SEPTIN14: variants seen among roughly 807,000 people sequenced by gnomAD.
The protein encoded by SEPTIN14 is septin 14.
Under a neutral mutation model 53.6 loss-of-function variants are expected in SEPTIN14, and 40 were observed. That is an observed-to-expected ratio of 0.75 (90% CI 0.58 to 0.97). The LOEUF (loss-of-function observed/expected upper bound fraction) is 0.97, where lower values mean the gene tolerates loss of function less well. Among genes scored for constraint, SEPTIN14 ranks in the 50% least tolerant of loss-of-function variants. The pLI is 0.00. For missense variants in SEPTIN14, 471 were observed against 508.2 expected, an observed-to-expected ratio of 0.93 and a Z score of 0.70; for synonymous variants, 138 against 166.8, an observed-to-expected ratio of 0.83 and a Z score of 1.33.
intron 2 of SEPTIN14, among the ~76,000 whole-genome samples, chr7:55,857,349 G>A (rs896846071): frequency 6.8e-6 from 1 of 146,202 alleles, no homozygotes; most frequent in Non-Finnish European, 1.5e-5. Context: ...TCCAGCCTGG[G>A]CAACAAGAGG....
At position 55,846,896 on chromosome 7, in the gene SEPTIN14, A is replaced by G. The variant is rs190196418; in HGVS notation, c.55-259T>C. Among the ~76,000 whole-genome samples, 187 of 152,244 alleles carry G rather than the reference A, an allele frequency of 1.2e-3. 1 individual carries two copies. Among genetic ancestry groups the G allele is most frequent in the African/African-American group, 4.4e-3 (182 of 41,564 alleles). On this transcript the variant is annotated intron_variant, in intron 2 of 9. Transcript: ENST00000388975. ...AAGAGGCTCTGTTTCTAAATTTTAA[A>G]AGAGACAGGGGACAGGCACGGTGGC... is the stretch of plus-strand genomic sequence containing the variant.
intron 6 of SEPTIN14, among the ~76,000 whole-genome samples, chr7:55,825,790 G>A (rs1267421975): frequency 6.6e-6 from 1 of 151,138 alleles, no homozygotes. Context: ...ACCGTAGTGA[G>A]ACCCCCACCT....
intron 6 of SEPTIN14, among the ~76,000 whole-genome samples, chr7:55,820,226 C>T (rs1246978067): frequency 6.6e-6 from 1 of 152,192 alleles, no homozygotes; most frequent in Admixed American, 6.5e-5. Context: ...GTCTTGAACT[C>T]CTGACCTCAG....
intron 5 of SEPTIN14, among the ~76,000 whole-genome samples, chr7:55,836,657 G>A (rs1789214169): frequency 6.6e-6 from 1 of 152,142 alleles, no homozygotes; most frequent in Non-Finnish European, 1.5e-5. Context: ...AGAATCGCTT[G>A]AACCCAGGAG....
intron 6 of SEPTIN14, among the ~76,000 whole-genome samples, chr7:55,830,321 G>GTATATATATATATATATATATATA (rs746498199): frequency 2.4e-5 from 2 of 84,720 alleles, no homozygotes; most frequent in African/African-American, 1.1e-4. Flanking sequence ...TTATCCAACT[G>GTATATATATATATATATATATATA]TATATATATA....
At chr7:55,830,147 CAGCCTGGGCGACAGAGCGA>C (rs1789073864) in intron 6 of SEPTIN14, among the ~76,000 whole-genome samples, 1 of 146,452 alleles carries the variant, frequency 6.8e-6, no homozygotes, top group Admixed American at 6.8e-5. Context: ...CGCTGCACTC[CAGCCTGGGCGACAGAGCGA>C]GACTCTGTCT....
At chr7:55,808,529 T>C (rs1788644480) in intron 7 of SEPTIN14, among the ~76,000 whole-genome samples, 1 of 152,176 alleles carries the variant, frequency 6.6e-6, no homozygotes, top group Non-Finnish European at 1.5e-5. Flanking sequence ...AGTTCAGCCA[T>C]TGTGAAAAGT....
At chr7:55,826,034 G>A (rs868650001) in intron 6 of SEPTIN14, among the ~76,000 whole-genome samples, 7 of 151,654 alleles carry the variant, frequency 4.6e-5, no homozygotes, top group Non-Finnish European at 8.8e-5. Context: ...CCCGGGAGGC[G>A]GAGCTTGCAG....
At chr7:55,815,206 G>A (rs1405829567) in intron 7 of SEPTIN14, among the ~76,000 whole-genome samples, 1 of 151,944 alleles carries the variant, frequency 6.6e-6, no homozygotes, top group East Asian at 1.9e-4. Flanking sequence ...AAAACATTGG[G>A]GAAGCTCTTT....
At chr7:55,809,512 C>T (rs1788664403) in intron 7 of SEPTIN14, among the ~76,000 whole-genome samples, 1 of 151,482 alleles carries the variant, frequency 6.6e-6, no homozygotes, top group Non-Finnish European at 1.5e-5. Flanking sequence ...CGCGCCACCA[C>T]ACCTGGCTAA....
chr7:55,837,176 C>CA (rs1174479077), intron 5 of SEPTIN14, among the ~76,000 whole-genome samples: 3 of 150,288 alleles, frequency 2.0e-5, no homozygotes, highest in African/African-American at 7.4e-5. Context: ...AGTGCGGTGG[C>CA]ATGATCACAG....
intron 9 of SEPTIN14, 62 bp downstream of exon 9, chr7:55,805,196 A>G: frequency 1.4e-6 from 2 of 1,444,782 alleles, no homozygotes; most frequent in East Asian, 2.3e-5. Context: ...TGAGATTAAA[A>G]CCCCCAAATT....
chr7:55,820,782 A>C, intron 6 of SEPTIN14, among the ~76,000 whole-genome samples: 1 of 152,074 alleles, frequency 6.6e-6, no homozygotes, highest in Non-Finnish European at 1.5e-5. Flanking sequence ...TCTACTAAAA[A>C]TACAGAAATT....
Position 55,795,281 on chromosome 7 carries a change from G to T in SEPTIN14, c.*632C>A, listed in dbSNP as rs1232646228. The stretch of plus-strand genomic sequence containing the variant: ...AAGTCACTACTGGATCCAAAAGCAG[G>T]ACTATGGTAAATAAATTTCTCCACC... On this transcript the variant is annotated 3_prime_UTR_variant, in exon 10 of 10. Transcript: ENST00000388975. 6.6e-6 allele frequency: 1 copy of T among 152,366 alleles called. No individual in the cohort carries two copies. Among genetic ancestry groups the T allele is most frequent in the Admixed American group, 6.5e-5 (1 of 15,268 alleles). The allele number at this position is 152,366 out of a possible 1,614,324, so 9.4% of individuals were successfully genotyped here.
chr7:55,854,091 A>T (rs557864682), intron 2 of SEPTIN14, among the ~76,000 whole-genome samples: 131 of 152,264 alleles, frequency 8.6e-4, no homozygotes, highest in African/African-American at 3.0e-3. Flanking sequence ...ACTGCGCTGC[A>T]GCCTGGGTAA....
At chr7:55,815,050 A>G (rs1237768177) in intron 7 of SEPTIN14, among the ~76,000 whole-genome samples, 1 of 152,178 alleles carries the variant, frequency 6.6e-6, no homozygotes. Context: ...GGAAAGGATA[A>G]GCGCTTCAAT....
chr7:55,856,985 G>T (rs537379331), intron 2 of SEPTIN14, among the ~76,000 whole-genome samples: 3 of 150,054 alleles, frequency 2.0e-5, no homozygotes, highest in African/African-American at 7.3e-5. Context: ...CACGAGAATC[G>T]GTTGAACCCG....
intron 9 of SEPTIN14, among the ~76,000 whole-genome samples, 175 bp downstream of exon 9, chr7:55,805,083 C>A (rs532980365): frequency 6.6e-6 from 1 of 152,156 alleles, no homozygotes; most frequent in African/African-American, 2.4e-5. Flanking sequence ...CTAGAAAAAA[C>A]ACTACAGACT....
At chr7:55,843,384 A>C (rs772992450) in intron 4 of SEPTIN14, among the ~76,000 whole-genome samples, 3 of 152,362 alleles carry the variant, frequency 2.0e-5, no homozygotes, top group Non-Finnish European at 4.4e-5. Flanking sequence ...GAATATACAA[A>C]GAATGCAAGC....
Sources: gnomAD v4.1 joint callset for allele counts (sites outside exome capture counted in the v4.1 genomes callset) on GRCh38, gnomAD v4.1.1 for gene constraint, MANE v1.5 for transcripts, NCBI Gene and HGNC (gene_info 2026-07-23, HGNC 2026-07-21) for gene names.